WASHC5: variants seen among roughly 807,000 people sequenced by gnomAD.
The protein encoded by WASHC5 is WASH complex subunit strumpellin.
Under a neutral mutation model 150.4 loss-of-function variants are expected in WASHC5, and 101 were observed. The observed-to-expected ratio is 0.67, with a 90% confidence interval of 0.57 to 0.79. The LOEUF (loss-of-function observed/expected upper bound fraction) is 0.79, where lower values mean the gene tolerates loss of function less well. Among genes scored for constraint, WASHC5 ranks in the 30% least tolerant of loss-of-function variants. WASHC5 has a pLI of 0.00. For missense variants in WASHC5, 1,195 were observed against 1,396.3 expected, an observed-to-expected ratio of 0.86 and a Z score of 2.30; for synonymous variants, 467 against 491.2, an observed-to-expected ratio of 0.95 and a Z score of 0.65.
intron 21 of WASHC5, 167 bp downstream of exon 21, chr8:125,044,369 A>C: frequency 1.3e-6 from 1 of 779,222 alleles, no homozygotes; most frequent in Admixed American, 2.2e-5. Context: ...GGCCAAACAA[A>C]TTCTAGTTTA....
rs745380113 is a variant in WASHC5, at chr8:125,091,767, T to G, written c.-277A>C. The G allele has an allele frequency of 2.0e-5, 3 of 152,256 alleles. No individual in the cohort carries two copies. Among genetic ancestry groups the G allele is most frequent in the African/African-American group, 7.2e-5 (3 of 41,410 alleles). 9.4% of individuals were successfully genotyped at this position (152,256 alleles called of 1,614,324 possible). ...TCAGACCCCGACTTCCGCCCCTGAC[T>G]CCCCAGGCGGTCACATGACCGAAGC... On this transcript the variant is annotated 5_prime_UTR_variant, in exon 1 of 29. Transcript: ENST00000318410.
At chr8:125,039,076 G>A (rs550183094) in intron 24 of WASHC5, 117 bp from the exon 25 acceptor site, 2 of 1,152,390 alleles carry the variant, frequency 1.7e-6, no homozygotes, top group African/African-American at 3.0e-5. Context: ...TGTAAAATGA[G>A]AGCTTGATCT....
At chr8:125,085,939 G>A (rs928457087) in intron 1 of WASHC5, among the ~76,000 whole-genome samples, 4 of 152,048 alleles carry the variant, frequency 2.6e-5, no homozygotes, top group Non-Finnish European at 4.4e-5. Context: ...GCCTTCCCCT[G>A]CAACAATCAT....
chr8:125,081,903 G>A, intron 4 of WASHC5, 142 bp from the exon 5 acceptor site: 1 of 688,462 alleles, frequency 1.5e-6, no homozygotes, highest in South Asian at 1.5e-5. Flanking sequence ...TTTCCTCCAA[G>A]GAGCTCTTAC....
chr8:125,049,306 C>A (rs2130048666), intron 18 of WASHC5, 121 bp from the exon 19 acceptor site: 3 of 1,029,606 alleles, frequency 2.9e-6, no homozygotes, highest in Non-Finnish European at 4.4e-6. Flanking sequence ...CACCTGTAAC[C>A]CCAGCACTTT....
intron 2 of WASHC5, 69 bp from the exon 3 acceptor site, chr8:125,083,327 T>G: frequency 6.9e-7 from 1 of 1,458,230 alleles, no homozygotes. Context: ...CTAAATAGTC[T>G]TTTAAAAATT....
chr8:125,090,561 G>A (rs1359344855), intron 1 of WASHC5, among the ~76,000 whole-genome samples: 3 of 152,066 alleles, frequency 2.0e-5, no homozygotes, highest in Admixed American at 6.5e-5. Context: ...TACAAGTGCC[G>A]GTAACTTCAT....
At chr8:125,045,307 G>T (rs1816030691) in intron 20 of WASHC5, among the ~76,000 whole-genome samples, 1 of 152,176 alleles carries the variant, frequency 6.6e-6, no homozygotes, top group Admixed American at 6.5e-5. Context: ...TGCACCAGGT[G>T]CTGTGTGTGC....
At chr8:125,035,402 T>C (rs1043112329) in intron 26 of WASHC5, among the ~76,000 whole-genome samples, 2 of 152,268 alleles carry the variant, frequency 1.3e-5, no homozygotes, top group Non-Finnish European at 2.9e-5. Context: ...AGGTTCTTTC[T>C]GCACTGACAG....
chr8:125,050,109 T>TTA (rs1466896878), intron 18 of WASHC5, among the ~76,000 whole-genome samples: 1 of 152,162 alleles, frequency 6.6e-6, no homozygotes, highest in African/African-American at 2.4e-5. Flanking sequence ...TTTACTATGA[T>TTA]AATAAAGATC....
chr8:125,076,472 C>T lies in WASHC5; in HGVS notation c.740G>A (p.Arg247His), dbSNP rs976509563. The change falls in exon 7 of 29, where the codon CGC becomes CAC. Residue 247 changes from arginine (R) to histidine (H), a missense_variant. Physicochemically the swap from Arg to His is conservative, Grantham distance 29. Coordinates refer to ENST00000318410, the MANE Select transcript of WASHC5 (RefSeq NM_014846.4). ...QVSAYPLPEH[R>H]STALANQAAM... ...AGCTTGGTTTGCCAGGGCTGTGCTG[C>T]GATGCTCCGGCAAAGGATACGCTGA... 12 of 1,613,976 alleles carry T rather than the reference C, an allele frequency of 7.4e-6. No individual in the cohort carries two copies. Among genetic ancestry groups the T allele is most frequent in the Non-Finnish European group, 9.3e-6 (11 of 1,179,980 alleles).
chr8:125,058,462 G>A (rs548864608), intron 14 of WASHC5, among the ~76,000 whole-genome samples: 74 of 152,110 alleles, frequency 4.9e-4, no homozygotes, highest in Non-Finnish European at 7.6e-4. Context: ...GAGACATTGA[G>A]TAGGCTGGGC....
intron 18 of WASHC5, among the ~76,000 whole-genome samples, chr8:125,050,007 T>G (rs1257924186): frequency 6.7e-6 from 1 of 149,788 alleles, no homozygotes; most frequent in Admixed American, 6.6e-5. Context: ...GGAAGCCTCA[T>G]ATAAAGAAAT....
At position 125,079,135 on chromosome 8, in the gene WASHC5, T is replaced by TATATATAC. The variant is rs35442808; in HGVS notation, c.519-206_519-205insGTATATAT. ...GTGTGTGTATATATATATATATATATATATACATTTTTTTTTGAGATGGAG... is the reference window on the plus strand; with the variant it reads ...GTGTGTGTATATATATATATATATATATATATACATATACATTTTTTTTTGAGATGGAG... On this transcript the variant is annotated intron_variant, in intron 5 of 28. Transcript: ENST00000318410. 7.1e-3 allele frequency among the ~76,000 whole-genome samples: 831 copies of TATATATAC among 117,452 alleles called. 25 individuals carry two copies. The highest frequency in any genetic ancestry group is 0.048 in the East Asian group (192 of 4,036). The allele number at this position is 117,452 out of a possible 152,430, so 77.1% of individuals were successfully genotyped here.
At chr8:125,084,658 T>G (rs1158610395) in intron 1 of WASHC5, among the ~76,000 whole-genome samples, 2 of 152,244 alleles carry the variant, frequency 1.3e-5, no homozygotes, top group African/African-American at 4.8e-5. Flanking sequence ...CTGAGGATGG[T>G]TAGATCACTT....
intron 27 of WASHC5, among the ~76,000 whole-genome samples, chr8:125,029,030 CTTTTT>C (rs574526697): frequency 8.8e-4 from 108 of 122,868 alleles, no homozygotes; most frequent in South Asian, 1.9e-3. Flanking sequence ...TCCCTGCACA[CTTTTT>C]TTTTTTTTTT....
chr8:125,037,540 C>T (rs1214087536), intron 25 of WASHC5, among the ~76,000 whole-genome samples: 1 of 152,190 alleles, frequency 6.6e-6, no homozygotes, highest in Non-Finnish European at 1.5e-5. Context: ...ATAATTTGCC[C>T]TTCTGGGAAG....
intron 27 of WASHC5, 37 bp downstream of exon 27, chr8:125,032,203 AC>A: frequency 6.2e-7 from 1 of 1,611,644 alleles, no homozygotes; most frequent in East Asian, 2.2e-5. Flanking sequence ...AGGTTTTGTG[AC>A]AAGAAGTCCC....
At chr8:125,074,944 A>G (rs1010956740) in intron 8 of WASHC5, 54 bp downstream of exon 8, 3 of 1,015,030 alleles carry the variant, frequency 3.0e-6, no homozygotes, top group African/African-American at 1.6e-5. Flanking sequence ...CTTATTTGCT[A>G]CTTCATAAAC....
Sources: gnomAD v4.1 joint callset for allele counts (sites outside exome capture counted in the v4.1 genomes callset) on GRCh38, gnomAD v4.1.1 for gene constraint, MANE v1.5 for transcripts, NCBI Gene and HGNC (gene_info 2026-07-23, HGNC 2026-07-21) for gene names.